Variants in ALPK1 observed in about 807,000 individuals in gnomAD.
ALPK1 encodes the protein alpha kinase 1.
In ALPK1, 110 loss-of-function variants were observed where a neutral mutation model predicts 120.6. The observed-to-expected ratio is 0.91, with a 90% CI of 0.78 to 1.07. The LOEUF is 1.07. Among genes scored for constraint, ALPK1 ranks in the 50% least tolerant of loss-of-function variants. The pLI, the probability that ALPK1 is intolerant of heterozygous loss-of-function variation, is 0.00. For missense variants in ALPK1, 1,498 were observed against 1,483.9 expected (o/e 1.01, Z -0.16); for synonymous variants, 582 against 560.3 (o/e 1.04, Z -0.55).
chr4:112,320,897 C>CTTTTTTTTTTTTT (rs397941407), intron 2 of ALPK1, among the ~76,000 whole-genome samples: 1 of 123,632 alleles, frequency 8.1e-6, no homozygotes, highest in African/African-American at 3.2e-5. Context: ...CCATTTCTTT[C>CTTTTTTTTTTTTT]TTTTTTTTTT....
intron 2 of ALPK1, among the ~76,000 whole-genome samples, chr4:112,337,981 T>A (rs1243974654): frequency 6.6e-6 from 1 of 152,198 alleles, no homozygotes; most frequent in Non-Finnish European, 1.5e-5. Context: ...GTCATTTTTC[T>A]TTTGAGAGGG....
chr4:112,369,983 G>A (rs1452531553), intron 2 of ALPK1, among the ~76,000 whole-genome samples: 3 of 152,136 alleles, frequency 2.0e-5, no homozygotes, highest in Non-Finnish European at 4.4e-5. Flanking sequence ...ATTCTGACTA[G>A]TTGGCTAGTG....
At chr4:112,371,928 A>G (rs1438673449) in intron 2 of ALPK1, among the ~76,000 whole-genome samples, 4 of 152,240 alleles carry the variant, frequency 2.6e-5, no homozygotes, top group Non-Finnish European at 5.9e-5. Flanking sequence ...ATGTAATTTA[A>G]GAGCTAGAAG....
rs1054213293 is a variant in ALPK1 at position 112,435,273 on chromosome 4, C to A, written c.3160C>A (p.His1054Asn). Residue 1054 changes from histidine (H) to asparagine (N), a missense_variant, in exon 12 of 16, where the codon CAT becomes AAT. Physicochemically the swap from His to Asn is moderately conservative, Grantham distance 68. Transcript: ENST00000650871. The stretch of plus-strand genomic sequence containing the variant: ...ACAAAGAAATGCTTTTTGGGTTCAT[C>A]ATCTTCATCAAGAAGAAATTCTGGG... ...GRQRNAFWVH[H>N]LHQEEILGRY... The A allele has an allele frequency of 6.2e-7, 1 of 1,611,376 alleles. No individual in the cohort carries two copies. The highest frequency in any genetic ancestry group is 1.1e-5 in the South Asian group (1 of 90,576).
Position 112,435,188 on chromosome 4 carries a change from G to C in ALPK1, c.3075G>C (p.Trp1025Cys), listed in dbSNP as rs747050222. The C allele has an allele frequency of 2.8e-5, 45 of 1,610,648 alleles. No homozygotes were observed. The Admixed American group carries it at 3.7e-4, about 13-fold the overall frequency. ...AATATTCAAAAAAATCTGAACTGTGGACGGCCCAGGAAACTATTGTCTATT... is the reference window on the plus strand; with the variant it reads ...AATATTCAAAAAAATCTGAACTGTGCACGGCCCAGGAAACTATTGTCTATT... ...LLKYSKKSEL[W>C]TAQETIVYLG... is the part of the protein sequence containing the mutation. Residue 1025 changes from tryptophan to cysteine, a missense_variant, in exon 12 of 16, where the codon TGG (tryptophan) becomes TGC (cysteine). Coordinates refer to ENST00000650871, the MANE Select transcript of ALPK1 (RefSeq NM_025144.4).
chr4:112,408,097 G>T (rs550565520), intron 4 of ALPK1, among the ~76,000 whole-genome samples: 2 of 145,788 alleles, frequency 1.4e-5, no homozygotes, highest in South Asian at 4.5e-4. Context: ...ACAGAGCAAG[G>T]CTTCATCTCA....
intron 2 of ALPK1, among the ~76,000 whole-genome samples, chr4:112,330,666 T>C (rs942648269): frequency 1.3e-5 from 2 of 152,196 alleles, no homozygotes; most frequent in African/African-American, 2.4e-5. Flanking sequence ...TCAGAGCATA[T>C]ACTATTTTCT....
At chr4:112,402,624 ATGCGTGTGTCTG>A (rs1327325944) in intron 4 of ALPK1, among the ~76,000 whole-genome samples, 3 of 152,220 alleles carry the variant, frequency 2.0e-5, no homozygotes, top group African/African-American at 7.2e-5. Context: ...GTGTGTGTCT[ATGCGTGTGTCTG>A]TGTACATGTG....
At chr4:112,309,545 G>C (rs1348188509) in intron 1 of ALPK1, among the ~76,000 whole-genome samples, 1 of 152,090 alleles carries the variant, frequency 6.6e-6, no homozygotes, top group South Asian at 2.1e-4. Flanking sequence ...GACCCTCCGA[G>C]CCAGGCGTGG....
chr4:112,338,457 A>T (rs2148704716), intron 2 of ALPK1, among the ~76,000 whole-genome samples: 1 of 152,344 alleles, frequency 6.6e-6, no homozygotes, highest in African/African-American at 2.4e-5. Flanking sequence ...TATAAGGGAT[A>T]AGAGGAAAAG....
intron 2 of ALPK1, among the ~76,000 whole-genome samples, chr4:112,330,342 A>T (rs1450971137): frequency 6.6e-6 from 1 of 152,232 alleles, no homozygotes; most frequent in African/African-American, 2.4e-5. Flanking sequence ...TTATAAAAGT[A>T]CCTACATGTC....
Position 112,307,595 on chromosome 4 carries a change from G to T in ALPK1, c.-152-8206G>T, listed in dbSNP as rs188488745. On this transcript the variant is annotated intron_variant, in intron 1 of 15. Transcript: ENST00000650871. ...CCCTGCCTTTTTCTGTATTCCATTT[G>T]CTTGGTAGATCTTTCTCCATCCCTT... is the stretch of plus-strand genomic sequence containing the variant. 6.7e-3 allele frequency among the ~76,000 whole-genome samples: 1,016 copies of T among 152,078 alleles called. 13 individuals are homozygous for T. Among genetic ancestry groups the T allele is most frequent in the Middle Eastern group, 0.041 (12 of 294 alleles).
chr4:112,394,485 A>G (rs1223670976), intron 4 of ALPK1, among the ~76,000 whole-genome samples: 5 of 152,234 alleles, frequency 3.3e-5, no homozygotes, highest in Admixed American at 2.0e-4. Flanking sequence ...AGTTGCCAAG[A>G]GAATGGAGCT....
At chr4:112,356,090 C>T (rs998572264) in intron 2 of ALPK1, 1 of 1,136,476 alleles carries the variant, frequency 8.8e-7, no homozygotes, top group Non-Finnish European at 1.3e-6. Flanking sequence ...ACCCGAATAG[C>T]CTGCCCCTCA....
chr4:112,424,228 T>G (rs1191367697), intron 6 of ALPK1, among the ~76,000 whole-genome samples: 1 of 151,500 alleles, frequency 6.6e-6, no homozygotes, highest in Non-Finnish European at 1.5e-5. Context: ...ACAAGGAACC[T>G]ACTATTGGCC....
At chr4:112,364,045 G>A (rs184155283) in intron 2 of ALPK1, among the ~76,000 whole-genome samples, 1 of 152,096 alleles carries the variant, frequency 6.6e-6, no homozygotes, top group East Asian at 1.9e-4. Flanking sequence ...CAAAACCTCT[G>A]GGATACGGAA....
chr4:112,300,923 T>C (rs1727757463), intron 1 of ALPK1, among the ~76,000 whole-genome samples: 1 of 152,232 alleles, frequency 6.6e-6, no homozygotes, highest in South Asian at 2.1e-4. Context: ...TGCTTTGACC[T>C]TAACCCCAGC....
chr4:112,390,281 C>T (rs769822579), intron 4 of ALPK1, among the ~76,000 whole-genome samples: 2 of 152,192 alleles, frequency 1.3e-5, no homozygotes, highest in Non-Finnish European at 2.9e-5. Context: ...TTCCCTCCCT[C>T]CTTTGCCTGA....
chr4:112,363,676 G>A (rs1342395552), intron 2 of ALPK1, among the ~76,000 whole-genome samples: 2 of 152,070 alleles, frequency 1.3e-5, no homozygotes, highest in Non-Finnish European at 2.9e-5. Flanking sequence ...AGGCAACAAT[G>A]GATTTAAACT....
Sources: gnomAD v4.1 joint callset for allele counts (sites outside exome capture counted in the v4.1 genomes callset) on GRCh38, gnomAD v4.1.1 for gene constraint, MANE v1.5 for transcripts, NCBI Gene and HGNC (gene_info 2026-07-23, HGNC 2026-07-21) for gene names.